ZFHX3: variants seen among roughly 807,000 people sequenced by gnomAD.
ZFHX3 encodes zinc finger homeobox 3.
In ZFHX3, 42 loss-of-function variants were observed where a neutral mutation model predicts 279.1. The observed-to-expected ratio is 0.15, with a 90% confidence interval of 0.12 to 0.19. The LOEUF is 0.19. Among genes scored for constraint, ZFHX3 ranks in the 10% least tolerant of loss-of-function variants. The pLI is 1.00. For missense variants in ZFHX3, 4,981 were observed against 4,754.0 expected (o/e 1.05, Z -1.40); for synonymous variants, 2,293 against 1,957.8 (o/e 1.17, Z -4.52).
chr16:73,592,129 A>T (rs1279602225), intron 2 of ZFHX3, among the ~76,000 whole-genome samples: 2 of 152,076 alleles, frequency 1.3e-5, no homozygotes, highest in African/African-American at 4.8e-5. Context: ...CTACTGGGAG[A>T]GGCCAAGACA....
In ZFHX3 at chr16:73,132,882, G is replaced by A. The variant is rs75909673; in HGVS notation, c.-1023-1788C>T. Among the ~76,000 whole-genome samples the A allele has an allele frequency of 9.0e-3, 1,374 of 152,254 alleles. 27 individuals carry two copies. Among genetic ancestry groups the A allele is most frequent in the African/African-American group, 0.031 (1,287 of 41,552 alleles). ...TCGATGTTGGCCATCTCTCCCTCTC[G>A]TCTTCGTCAGCAAGTGTTCTTCTCC... On this transcript the variant is annotated intron_variant, in intron 6 of 17. Transcript: ENST00000641206.
At chr16:73,368,195 C>A (rs527711906) in intron 3 of ZFHX3, among the ~76,000 whole-genome samples, 1 of 152,280 alleles carries the variant, frequency 6.6e-6, no homozygotes, top group South Asian at 2.1e-4. Context: ...AACACTACAT[C>A]CCCTTTTATC....
At chr16:73,395,708 A>G (rs2017113583) in intron 3 of ZFHX3, among the ~76,000 whole-genome samples, 1 of 152,034 alleles carries the variant, frequency 6.6e-6, no homozygotes, top group Admixed American at 6.6e-5. Flanking sequence ...TTTTTCTTTC[A>G]TAAGTGATTA....
chr16:72,815,780 A>G (rs2143627553), intron 5 of ZFHX3, among the ~76,000 whole-genome samples: 1 of 152,376 alleles, frequency 6.6e-6, no homozygotes, highest in South Asian at 2.1e-4. Context: ...GAGACAAGAC[A>G]TAGTTTAGAC....
intron 1 of ZFHX3, among the ~76,000 whole-genome samples, chr16:73,684,293 T>C (rs752219026): frequency 4.6e-5 from 7 of 152,238 alleles, no homozygotes; most frequent in Middle Eastern, 6.8e-3. Context: ...CCATTATTAA[T>C]ATGATTACTT....
intron 1 of ZFHX3, among the ~76,000 whole-genome samples, chr16:73,028,036 A>C (rs930973555): frequency 6.6e-6 from 1 of 151,846 alleles, no homozygotes; most frequent in Non-Finnish European, 1.5e-5. Flanking sequence ...ACCTCCTCCC[A>C]GGCCGCCAGG....
chr16:73,217,676 G>C (rs1473764224), intron 5 of ZFHX3, among the ~76,000 whole-genome samples: 1 of 152,114 alleles, frequency 6.6e-6, no homozygotes, highest in Non-Finnish European at 1.5e-5. Flanking sequence ...ACTCCACGGG[G>C]TTTCAGTCAA....
chr16:72,829,721 G>A (rs1312640220), intron 5 of ZFHX3, 58 bp downstream of exon 5: 6 of 1,583,744 alleles, frequency 3.8e-6, no homozygotes, highest in African/African-American at 2.7e-5. Flanking sequence ...AAGGAAAGAT[G>A]AGAAGGCTCA....
At chr16:73,436,581 C>G (rs966441270) in intron 3 of ZFHX3, among the ~76,000 whole-genome samples, 1 of 152,130 alleles carries the variant, frequency 6.6e-6, no homozygotes, top group Non-Finnish European at 1.5e-5. Flanking sequence ...TATGGGAGCA[C>G]AATTCAAGAT....
intron 7 of ZFHX3, among the ~76,000 whole-genome samples, chr16:73,102,060 C>A (rs187203967): frequency 6.6e-6 from 1 of 151,634 alleles, no homozygotes; most frequent in Admixed American, 6.6e-5. Flanking sequence ...ATTACAGGCA[C>A]CTGCCACTGC....
intron 2 of ZFHX3, among the ~76,000 whole-genome samples, chr16:73,482,729 C>T (rs1045615140): frequency 6.6e-6 from 1 of 152,170 alleles, no homozygotes; most frequent in African/African-American, 2.4e-5. Context: ...AGAGAGGTAT[C>T]GCCTTCCACT....
intron 3 of ZFHX3, among the ~76,000 whole-genome samples, chr16:72,931,796 G>A (rs151180502): frequency 6.6e-6 from 1 of 152,130 alleles, no homozygotes; most frequent in Non-Finnish European, 1.5e-5. Context: ...TGTGGTTTTC[G>A]ATACAAATGA....
chr16:73,075,662 C>T (rs1380766934), intron 8 of ZFHX3, among the ~76,000 whole-genome samples: 1 of 150,472 alleles, frequency 6.6e-6, no homozygotes, highest in Non-Finnish European at 1.5e-5. Context: ...GAGATGGAGT[C>T]TCGCTCTGTG....
intron 4 of ZFHX3, among the ~76,000 whole-genome samples, chr16:72,871,977 G>A (rs2038172708): frequency 6.6e-6 from 1 of 151,886 alleles, no homozygotes; most frequent in African/African-American, 2.4e-5. Context: ...CCCAGCTACT[G>A]GGGAGGCTGA....
At chr16:73,500,689 T>TAAAAAAA (rs1248862497) in intron 2 of ZFHX3, among the ~76,000 whole-genome samples, 1 of 51,776 alleles carries the variant, frequency 1.9e-5, no homozygotes, top group Non-Finnish European at 3.7e-5. Flanking sequence ...AGTTTTAAAA[T>TAAAAAAA]ACAAAAAAAA....
intron 5 of ZFHX3, among the ~76,000 whole-genome samples, chr16:73,172,055 G>T (rs1051286156): frequency 6.6e-6 from 1 of 152,094 alleles, no homozygotes; most frequent in Admixed American, 6.5e-5. Context: ...GCCCAGACTC[G>T]CCAGCCACTC....
At chr16:73,786,557 G>A (rs989411461) in intron 1 of ZFHX3, among the ~76,000 whole-genome samples, 1 of 152,152 alleles carries the variant, frequency 6.6e-6, no homozygotes, top group African/African-American at 2.4e-5. Flanking sequence ...CTCAATTCCA[G>A]CCTGGAGGTG....
intron 7 of ZFHX3, among the ~76,000 whole-genome samples, chr16:73,126,376 G>A (rs533883412): frequency 9.9e-5 from 15 of 152,180 alleles, no homozygotes; most frequent in Non-Finnish European, 1.8e-4. Context: ...TAGATGGAGG[G>A]AAGAGACAAG....
At chr16:73,339,634 C>T (rs879498793) in intron 3 of ZFHX3, among the ~76,000 whole-genome samples, 12 of 152,142 alleles carry the variant, frequency 7.9e-5, no homozygotes, top group Non-Finnish European at 1.2e-4. Flanking sequence ...GGGCTGGGAG[C>T]GGGTTGCTTA....
Sources: allele counts gnomAD v4.1 joint callset (sites outside exome capture counted in the v4.1 genomes callset), GRCh38; gene constraint gnomAD v4.1.1; transcripts MANE v1.5; gene names NCBI Gene and HGNC (gene_info 2026-07-23, HGNC 2026-07-21).